The following MAN1A2 variants were observed in gnomAD, a reference collection of about 807,000 sequenced individuals.
MAN1A2 encodes the protein mannosidase alpha class 1A member 2, also known as mannosyl-oligosaccharide 1,2-alpha-mannosidase IB.
A neutral mutation model predicts 75.7 loss-of-function variants in MAN1A2; 26 were observed. The observed-to-expected ratio is 0.34, with a 90% CI of 0.25 to 0.48. The LOEUF (loss-of-function observed/expected upper bound fraction) is 0.48, where lower values mean the gene tolerates loss of function less well. Ranked by LOEUF, MAN1A2 falls within the 20% of genes least tolerant of loss-of-function variation. The pLI is 0.99. For missense variants in MAN1A2, 562 were observed against 775.5 expected (o/e 0.72, Z 3.27); for synonymous variants, 247 against 264.6 (o/e 0.93, Z 0.65).
chr1:117,432,777 A>G (rs931408433), intron 5 of MAN1A2, among the ~76,000 whole-genome samples: 2 of 151,948 alleles, frequency 1.3e-5, no homozygotes, highest in Non-Finnish European at 2.9e-5. Flanking sequence ...CTGAAAGGCA[A>G]TATAGCAAGA....
intron 8 of MAN1A2, among the ~76,000 whole-genome samples, chr1:117,486,450 CA>C (rs1456133993): frequency 1.3e-5 from 2 of 151,640 alleles, no homozygotes; most frequent in East Asian, 1.9e-4. Flanking sequence ...AAAATATAGT[CA>C]AAAAAGGGAT....
At chr1:117,399,917 G>T (rs984423773) in intron 1 of MAN1A2, among the ~76,000 whole-genome samples, 8 of 152,172 alleles carry the variant, frequency 5.3e-5, no homozygotes, top group African/African-American at 1.9e-4. Flanking sequence ...GGACAGCTGG[G>T]AAAGACTTGA....
chr1:117,401,639 A>G (rs1161168355), intron 1 of MAN1A2, among the ~76,000 whole-genome samples: 1 of 152,182 alleles, frequency 6.6e-6, no homozygotes, highest in African/African-American at 2.4e-5. Context: ...TAGACCTACT[A>G]AATTGGAATC....
rs1017951353 is a variant in MAN1A2 at position 117,527,614 on chromosome 1, A to G, written c.*4657A>G. The G allele has an allele frequency of 2.0e-5, 3 of 152,022 alleles. No individual in the cohort carries two copies. The highest frequency in any genetic ancestry group is 7.2e-5 in the African/African-American group (3 of 41,434). The allele number at this position is 152,022 out of a possible 1,614,324, so 9.4% of individuals were successfully genotyped here. The stretch of plus-strand genomic sequence containing the variant: ...CAGAATAGGGTAAGGGAAGATGGGT[A>G]TGCTATCAGCCATTTTCTTTGCCTT... On this transcript the variant is annotated 3_prime_UTR_variant, in exon 13 of 13. Coordinates refer to ENST00000356554, the MANE Select transcript of MAN1A2 (RefSeq NM_006699.5).
intron 4 of MAN1A2, among the ~76,000 whole-genome samples, chr1:117,417,152 A>G (rs527335263): frequency 7.2e-5 from 11 of 152,302 alleles, no homozygotes; most frequent in African/African-American, 2.4e-4. Context: ...AAAGTAGAGT[A>G]TAGAAGAATG....
chr1:117,517,837 A>C (rs932612594), intron 12 of MAN1A2, among the ~76,000 whole-genome samples: 2 of 152,064 alleles, frequency 1.3e-5, no homozygotes, highest in African/African-American at 4.8e-5. Context: ...ATGAATGAAG[A>C]AAACTTTACC....
At chr1:117,503,000 A>G in intron 12 of MAN1A2, 30 bp downstream of exon 12, 1 of 1,212,974 alleles carries the variant, frequency 8.2e-7, no homozygotes, top group Non-Finnish European at 1.2e-6. Context: ...AAATATTTTT[A>G]TACTAGACTG....
intron 1 of MAN1A2, among the ~76,000 whole-genome samples, chr1:117,397,705 G>T (rs1384138975): frequency 1.4e-5 from 2 of 138,338 alleles, no homozygotes; most frequent in African/African-American, 2.8e-5. Context: ...AGGCTGGAGT[G>T]CAATGTCACG....
intron 6 of MAN1A2, among the ~76,000 whole-genome samples, chr1:117,460,115 A>T (rs1272145832): frequency 6.6e-6 from 1 of 152,046 alleles, no homozygotes; most frequent in African/African-American, 2.4e-5. Flanking sequence ...ATATGGAAAG[A>T]CCACCAACTT....
intron 5 of MAN1A2, among the ~76,000 whole-genome samples, chr1:117,438,112 C>T (rs1020816282): frequency 1.3e-5 from 2 of 152,160 alleles, no homozygotes; most frequent in African/African-American, 4.8e-5. Flanking sequence ...AACTGTGTTT[C>T]AGTCAACAAT....
intron 8 of MAN1A2, among the ~76,000 whole-genome samples, chr1:117,473,829 C>T (rs957477544): frequency 2.0e-5 from 3 of 151,946 alleles, no homozygotes; most frequent in Non-Finnish European, 2.9e-5. Flanking sequence ...TTTCTTCCAC[C>T]GAGTGGTCCA....
intron 5 of MAN1A2, among the ~76,000 whole-genome samples, chr1:117,432,282 G>GT (rs997314801): frequency 6.6e-6 from 1 of 151,654 alleles, no homozygotes; most frequent in Admixed American, 6.6e-5. Context: ...ATTATAAGCA[G>GT]TTTTTTTGCA....
At position 117,470,427 on chromosome 1, in the gene MAN1A2, ATGC is replaced by A. The variant is rs564330370; in HGVS notation, c.1168+4006_1168+4008del. On this transcript the variant is annotated intron_variant, in intron 8 of 12. Transcript: ENST00000356554. Reference sequence around the variant, plus strand: ...TTTTACAGCACTGTGAATATAATTAATGCTGCTGAATGGTACACTTTCAAAATA... The same window carrying A: ...TTTTACAGCACTGTGAATATAATTAATGCTGAATGGTACACTTTCAAAATA... Among the ~76,000 whole-genome samples, 185 of 152,200 alleles carry A rather than the reference ATGC, an allele frequency of 1.2e-3. 1 individual carries two copies. Among genetic ancestry groups the A allele is most frequent in the Non-Finnish European group, 2.3e-3 (155 of 67,936 alleles).
chr1:117,485,640 G>A (rs1417073567), intron 8 of MAN1A2, among the ~76,000 whole-genome samples: 1 of 151,854 alleles, frequency 6.6e-6, no homozygotes, highest in Non-Finnish European at 1.5e-5. Flanking sequence ...ATTTATTCAA[G>A]GTCGTTATGT....
chr1:117,382,248 G>A (rs554183815), intron 1 of MAN1A2, among the ~76,000 whole-genome samples: 5 of 152,282 alleles, frequency 3.3e-5, no homozygotes, highest in African/African-American at 9.6e-5. Flanking sequence ...TAGACATGAA[G>A]TCCTTGCCCA....
chr1:117,387,754 A>C (rs571708417), intron 1 of MAN1A2, among the ~76,000 whole-genome samples: 4 of 152,202 alleles, frequency 2.6e-5, no homozygotes, highest in Non-Finnish European at 2.9e-5. Context: ...CTGGAGGCTG[A>C]GAAGTGATGA....
rs376588980 is a variant in MAN1A2 at position 117,454,502 on chromosome 1, A to G, written c.951-5987A>G. On this transcript the variant is annotated intron_variant, in intron 6 of 12. Transcript: ENST00000356554. ...TGTTGAAAGAAAAAAGTCGATCTCA[A>G]ATTCTATAGCCACTGAAAATATTCT... 1.1e-4 allele frequency among the ~76,000 whole-genome samples: 17 copies of G among 152,346 alleles called. 1 individual carries two copies. Among genetic ancestry groups the G allele is most frequent in the Admixed American group, 9.8e-4 (15 of 15,308 alleles).
chr1:117,431,834 C>CAGCTACT (rs1648680414), intron 5 of MAN1A2, among the ~76,000 whole-genome samples: 1 of 152,108 alleles, frequency 6.6e-6, no homozygotes, highest in Admixed American at 6.5e-5. Context: ...CCTGTAGTCC[C>CAGCTACT]AGCTACTCAG....
chr1:117,453,212 A>G (rs1263563742), intron 6 of MAN1A2, among the ~76,000 whole-genome samples: 1 of 152,200 alleles, frequency 6.6e-6, no homozygotes, highest in Admixed American at 6.5e-5. Flanking sequence ...GCCTGCCAAC[A>G]TCCATTCTGC....
Sources: gnomAD v4.1 joint callset for allele counts (sites outside exome capture counted in the v4.1 genomes callset) on GRCh38, gnomAD v4.1.1 for gene constraint, MANE v1.5 for transcripts, NCBI Gene and HGNC (gene_info 2026-07-23, HGNC 2026-07-21) for gene names.